The following IFT70B variants were observed in gnomAD, a reference collection of about 807,000 sequenced individuals.
IFT70B encodes the protein intraflagellar transport 70B.
chr2:177,550,580 G>T, the IFT70B span: 1 of 503,282 alleles, frequency 2.0e-6, no homozygotes, highest in Non-Finnish European at 3.3e-6. Flanking sequence ...AACTCCTGGG[G>T]TAAAAGTTCT....
At chr2:177,552,227 G>A in the IFT70B span, 4 of 1,614,182 alleles carry the variant, frequency 2.5e-6, no homozygotes, top group East Asian at 2.2e-5. Context: ...CCTGCAGGGC[G>A]GCAAAAAACT....
chr2:177,551,740 C>T, the IFT70B span: 2 of 1,614,202 alleles, frequency 1.2e-6, no homozygotes, highest in Non-Finnish European at 8.5e-7. Flanking sequence ...TCTGCCAGGA[C>T]ATCTGCTGCC....
the IFT70B span, chr2:177,550,997 G>A: frequency 2.5e-6 from 4 of 1,614,178 alleles, no homozygotes; most frequent in East Asian, 8.9e-5. Flanking sequence ...AGGACAGGAA[G>A]CATCTTTTGG....
the IFT70B span, chr2:177,550,633 A>T: frequency 1.4e-6 from 1 of 736,294 alleles, no homozygotes; most frequent in Non-Finnish European, 2.0e-6. Flanking sequence ...CAAAAGTTTT[A>T]GCTACTTTTT....
chr2:177,552,087 C>G, the IFT70B span: 2 of 1,614,242 alleles, frequency 1.2e-6, no homozygotes, highest in Non-Finnish European at 1.7e-6. Context: ...CATGCCCACA[C>G]CTAGCTCAGG....
chr2:177,552,290 G>C, the IFT70B span: 2 of 1,614,240 alleles, frequency 1.2e-6, no homozygotes, highest in Admixed American at 3.3e-5. Context: ...AACCCAGGTT[G>C]ATCTGGCCAT....
chr2:177,551,665 T>A, the IFT70B span: 1 of 1,614,228 alleles, frequency 6.2e-7, no homozygotes, highest in Non-Finnish European at 8.5e-7. Context: ...GTCTGGCAAG[T>A]GATCACAGCG....
At chr2:177,550,675 C>T in the IFT70B span, 3 of 1,199,334 alleles carry the variant, frequency 2.5e-6, no homozygotes, top group Non-Finnish European at 3.5e-6. Flanking sequence ...CAAAGTTCAA[C>T]ATGTAACAAA....
At chr2:177,550,982 T>A in the IFT70B span, 4 of 1,614,052 alleles carry the variant, frequency 2.5e-6, no homozygotes, top group African/African-American at 5.3e-5. Context: ...ACATGTTTTC[T>A]AACAAGGACA....
At chr2:177,549,133 T>A in the IFT70B span, 8 of 152,210 alleles carry the variant, frequency 5.3e-5, no homozygotes, top group African/African-American at 1.9e-4. Context: ...ACACTTTTAG[T>A]ACAGAAGTTG....
At chr2:177,552,705 C>T in the IFT70B span, 2 of 1,595,526 alleles carry the variant, frequency 1.3e-6, no homozygotes, top group South Asian at 1.1e-5. Flanking sequence ...GCGGATGAGG[C>T]GGTACACGAC....
chr2:177,552,596 G>A, the IFT70B span: 1 of 1,594,808 alleles, frequency 6.3e-7, no homozygotes, highest in Non-Finnish European at 8.5e-7. Flanking sequence ...CCTGCAGGCG[G>A]TAGTAGCAGT....
At chr2:177,550,828 CTG>C in the IFT70B span, 38 of 1,613,908 alleles carry the variant, frequency 2.4e-5, no homozygotes, top group African/African-American at 4.0e-5. Context: ...TCATATGTGA[CTG>C]TATTCTTTCC....
chr2:177,550,888 T>A, the IFT70B span: 5 of 1,614,022 alleles, frequency 3.1e-6, no homozygotes, highest in East Asian at 1.1e-4. Context: ...ACAGCAGGTA[T>A]GTTTCTGCCA....
chr2:177,550,415 AACTATT>A, the IFT70B span: 1 of 170,906 alleles, frequency 5.9e-6, no homozygotes, highest in African/African-American at 2.4e-5. Context: ...GACTACTCTT[AACTATT>A]ACTGAGATAG....
chr2:177,552,104 G>T, the IFT70B span: 22 of 1,614,122 alleles, frequency 1.4e-5, no homozygotes, highest in Non-Finnish European at 1.8e-5. Context: ...CAGGGTGCTG[G>T]CGGATGCCAC....
At chr2:177,550,115 T>A in the IFT70B span, 2 of 152,220 alleles carry the variant, frequency 1.3e-5, no homozygotes, top group East Asian at 1.9e-4. Context: ...GTTCATATAT[T>A]TAAATTATTA....
the IFT70B span, chr2:177,551,506 T>C: frequency 4.3e-6 from 7 of 1,614,176 alleles, no homozygotes; most frequent in African/African-American, 4.0e-5. Context: ...TATTTCTCCA[T>C]GGTTTCATCA....
At chr2:177,551,612 C>A in the IFT70B span, 3 of 1,614,188 alleles carry the variant, frequency 1.9e-6, no homozygotes, top group Non-Finnish European at 2.5e-6. Flanking sequence ...CAGTCAGCAT[C>A]CCTGCTAGCC....
Sources: allele counts gnomAD v4.1 joint callset, GRCh38; gene constraint gnomAD v4.1.1; transcripts MANE v1.5; gene names NCBI Gene and HGNC (gene_info 2026-07-23, HGNC 2026-07-21).